The following ANXA8 variants were observed in gnomAD, a reference collection of about 807,000 sequenced individuals.
The protein encoded by ANXA8 is VAC-beta.
A neutral mutation model predicts 26.8 loss-of-function variants in ANXA8; 9 were observed. The observed-to-expected ratio is 0.34, with a 90% CI of 0.20 to 0.59. The LOEUF (loss-of-function observed/expected upper bound fraction) is 0.59, where lower values mean the gene tolerates loss of function less well. Among genes scored for constraint, ANXA8 ranks in the 20% least tolerant of loss-of-function variants. ANXA8 has a pLI of 0.84. For synonymous variants in ANXA8, 39 were observed against 94.8 expected (o/e 0.41, Z 3.42); for missense variants, 83 against 238.5 (o/e 0.35, Z 4.29).
At chr10:47,469,904 G>A (rs1180748095) in intron 11 of ANXA8, among the ~76,000 whole-genome samples, 3 of 151,200 alleles carry the variant, frequency 2.0e-5, no homozygotes, top group African/African-American at 4.9e-5. Flanking sequence ...TTCTAGACAC[G>A]ATCTCACTCT....
the ANXA8 span, among the ~76,000 whole-genome samples, chr10:47,580,543 C>T: frequency 6.6e-6 from 1 of 150,694 alleles, no homozygotes; most frequent in Non-Finnish European, 1.5e-5. Flanking sequence ...CAAGACCAGG[C>T]TGGGCAACAT....
At chr10:47,706,812 C>T in the ANXA8 span, 1 of 970,622 alleles carries the variant, frequency 1.0e-6, no homozygotes, top group African/African-American at 1.5e-5. Flanking sequence ...AAGAAGCAAA[C>T]TGCCCGTTCT....
At chr10:47,667,940 G>A in the ANXA8 span, among the ~76,000 whole-genome samples, 1 of 151,912 alleles carries the variant, frequency 6.6e-6, no homozygotes, top group Non-Finnish European at 1.5e-5. Context: ...GTTTCACCAT[G>A]TTGGGCAGGT....
chr10:47,581,012 G>A, the ANXA8 span, among the ~76,000 whole-genome samples: 5 of 150,318 alleles, frequency 3.3e-5, no homozygotes. Flanking sequence ...GGAGACAGAG[G>A]TTTCAGTGAG....
chr10:47,639,903 G>A, the ANXA8 span, among the ~76,000 whole-genome samples: 2 of 144,382 alleles, frequency 1.4e-5, no homozygotes, highest in South Asian at 2.2e-4. Flanking sequence ...TCAGCCTCCC[G>A]AGTAGCTGGG....
chr10:47,621,441 G>A, the ANXA8 span, among the ~76,000 whole-genome samples: 1 of 111,126 alleles, frequency 9.0e-6, no homozygotes, highest in Non-Finnish European at 2.0e-5. Flanking sequence ...ATCCAGAGAG[G>A]AAGATACACT....
the ANXA8 span, among the ~76,000 whole-genome samples, chr10:47,497,433 T>C: frequency 7.0e-6 from 1 of 142,716 alleles, no homozygotes; most frequent in Non-Finnish European, 1.5e-5. Flanking sequence ...CTGACCAACA[T>C]GGAGAAACCC....
the ANXA8 span, among the ~76,000 whole-genome samples, chr10:47,975,203 AGATT>A: frequency 1.3e-3 from 201 of 149,538 alleles, 20 homozygotes; most frequent in East Asian, 0.032. Flanking sequence ...CAGCACCAAT[AGATT>A]GGTGGTGGCT....
At chr10:47,501,596 C>G in the ANXA8 span, among the ~76,000 whole-genome samples, 2 of 139,628 alleles carry the variant, frequency 1.4e-5, no homozygotes, top group African/African-American at 5.2e-5. Flanking sequence ...GTAGTCCCAG[C>G]TACCTGAGAG....
At chr10:47,652,179 C>G in the ANXA8 span, among the ~76,000 whole-genome samples, 1 of 152,012 alleles carries the variant, frequency 6.6e-6, no homozygotes, top group Non-Finnish European at 1.5e-5. Flanking sequence ...GTATGGGGTT[C>G]TTTTTAGGTG....
At chr10:47,646,614 T>TAA in the ANXA8 span, among the ~76,000 whole-genome samples, 2 of 150,968 alleles carry the variant, frequency 1.3e-5, no homozygotes, top group African/African-American at 4.9e-5. Context: ...TATGACCCTT[T>TAA]AAAAAAAAAT....
the ANXA8 span, among the ~76,000 whole-genome samples, chr10:47,595,880 C>T: frequency 6.8e-6 from 1 of 148,134 alleles, no homozygotes; most frequent in African/African-American, 2.6e-5. Flanking sequence ...CAAATAAATT[C>T]TGGACTTAAA....
chr10:47,565,022 A>G, the ANXA8 span: 11 of 847,350 alleles, frequency 1.3e-5, no homozygotes, highest in East Asian at 2.4e-5. Flanking sequence ...CTGCTGTGCC[A>G]CTATCGCCAT....
At chr10:47,706,821 C>T in the ANXA8 span, 1 of 980,364 alleles carries the variant, frequency 1.0e-6, no homozygotes, top group Non-Finnish European at 1.6e-6. Context: ...ACTGCCCGTT[C>T]TCCTTGAAGA....
At chr10:47,679,584 G>T in the ANXA8 span, among the ~76,000 whole-genome samples, 2 of 151,984 alleles carry the variant, frequency 1.3e-5, no homozygotes, top group South Asian at 2.1e-4. Context: ...TCCACCCAGG[G>T]TGATAAAGCA....
the ANXA8 span, among the ~76,000 whole-genome samples, chr10:47,954,154 T>C: frequency 6.6e-6 from 1 of 150,522 alleles, no homozygotes; most frequent in Non-Finnish European, 1.5e-5. Context: ...TGTTCAACAA[T>C]AGACAAATGG....
At chr10:47,654,190 C>T in the ANXA8 span, among the ~76,000 whole-genome samples, 5 of 149,952 alleles carry the variant, frequency 3.3e-5, no homozygotes, top group Non-Finnish European at 5.9e-5. Flanking sequence ...TGGGTTAAAA[C>T]GTTCAGATTG....
the ANXA8 span, among the ~76,000 whole-genome samples, chr10:47,943,762 T>G: frequency 0.028 from 4,128 of 149,896 alleles, 65 homozygotes; most frequent in African/African-American, 0.098. Flanking sequence ...AACCACAAAA[T>G]GGCTGTGGGG....
the ANXA8 span, among the ~76,000 whole-genome samples, chr10:47,603,262 G>C: frequency 6.7e-6 from 1 of 148,494 alleles, no homozygotes; most frequent in South Asian, 2.1e-4. Flanking sequence ...GAGAATAAGA[G>C]ATTCTAAATT....
Sources: gnomAD v4.1 joint callset for allele counts (sites outside exome capture counted in the v4.1 genomes callset) on GRCh38, gnomAD v4.1.1 for gene constraint, MANE v1.5 for transcripts, NCBI Gene and HGNC (gene_info 2026-07-23, HGNC 2026-07-21) for gene names.